SPP2: variants seen among roughly 807,000 people sequenced by gnomAD.
The protein encoded by SPP2 is secreted phosphoprotein 2, also known as secreted phosphoprotein 24.
Under a neutral mutation model 28.8 loss-of-function variants are expected in SPP2, and 34 were observed. The ratio of observed to expected loss-of-function variants is 1.18; its 90% CI spans 0.90 to 1.57. The LOEUF is 1.57. SPP2 is among the 40% of genes most tolerant of loss of function. The probability of loss-of-function intolerance (pLI) is 0.00; values close to 1 mark genes in which losing one functional copy is unlikely to be tolerated. For synonymous variants in SPP2, 96 were observed against 89.4 expected, an observed-to-expected ratio of 1.07 and a Z score of -0.42; for missense variants, 269 against 263.9, an observed-to-expected ratio of 1.02 and a Z score of -0.13.
chr2:234,063,540 A>G (rs1016394522), intron 4 of SPP2, among the ~76,000 whole-genome samples: 1 of 152,234 alleles, frequency 6.6e-6, no homozygotes, highest in African/African-American at 2.4e-5. Context: ...TAAATTTGCA[A>G]ATATTCTCCT....
chr2:234,067,566 A>G (rs1009996716), intron 6 of SPP2, among the ~76,000 whole-genome samples: 7 of 152,060 alleles, frequency 4.6e-5, no homozygotes, highest in African/African-American at 1.7e-4. Context: ...TCACGAAGTC[A>G]GGAGATCGAG....
intron 2 of SPP2, among the ~76,000 whole-genome samples, chr2:234,058,477 T>A (rs530591978): frequency 6.6e-6 from 1 of 152,322 alleles, no homozygotes; most frequent in East Asian, 1.9e-4. Flanking sequence ...GTGTTACTAG[T>A]ATTGATTTTG....
At chr2:234,056,471 G>C (rs74553175) in intron 2 of SPP2, among the ~76,000 whole-genome samples, 1 of 152,202 alleles carries the variant, frequency 6.6e-6, no homozygotes, top group Non-Finnish European at 1.5e-5. Context: ...CAGCAAAAAT[G>C]TTAGATGTTT....
At chr2:234,050,932 T>A in intron 1 of SPP2, 39 bp from the exon 2 acceptor site, 1 of 1,613,946 alleles carries the variant, frequency 6.2e-7, no homozygotes, top group Non-Finnish European at 8.5e-7. Context: ...CTGGCGCCTG[T>A]GTCTTGTCTC....
At chr2:234,057,285 C>T (rs13013285) in intron 2 of SPP2, among the ~76,000 whole-genome samples, 8,807 of 152,174 alleles carry the variant, frequency 0.058, 388 homozygotes, top group Non-Finnish European at 0.089. Context: ...ATACCTGACA[C>T]GCTCCATCTC....
intron 7 of SPP2, among the ~76,000 whole-genome samples, chr2:234,070,968 G>T (rs544466455): frequency 6.6e-6 from 1 of 152,230 alleles, no homozygotes; most frequent in South Asian, 2.1e-4. Flanking sequence ...TTGCCATTGT[G>T]TATCCTGGGT....
chr2:234,064,746 A>G (rs1234971728), intron 4 of SPP2, among the ~76,000 whole-genome samples: 1 of 152,148 alleles, frequency 6.6e-6, no homozygotes, highest in Non-Finnish European at 1.5e-5. Context: ...GCAACCACTA[A>G]TCTACTTTGT....
intron 7 of SPP2, among the ~76,000 whole-genome samples, chr2:234,075,362 A>G (rs1690875202): frequency 2.0e-5 from 3 of 152,056 alleles, no homozygotes; most frequent in Admixed American, 2.0e-4. Flanking sequence ...TTTTAAAAAC[A>G]CCATCTGCAT....
intron 4 of SPP2, among the ~76,000 whole-genome samples, chr2:234,065,864 T>C (rs192112975): frequency 1.6e-4 from 24 of 152,338 alleles, no homozygotes; most frequent in African/African-American, 5.3e-4. Flanking sequence ...GTTGACTTGA[T>C]TTTTGCATAT....
rs58866202 is a variant in SPP2 at position 234,075,985 on chromosome 2, T to A, written c.*11-860T>A. The stretch of plus-strand genomic sequence containing the variant: ...GAAATGTTTCACAGCTCTGTCCTTT[T>A]CGAGCTGTTGGCTCCAGTTCCAGCT... On this transcript the variant is annotated intron_variant, in intron 7 of 7. Transcript: ENST00000168148. Among the ~76,000 whole-genome samples the A allele has an allele frequency of 7.4e-3, 1,129 of 152,324 alleles. 12 individuals carry two copies. Among genetic ancestry groups the A allele is most frequent in the African/African-American group, 0.026 (1,080 of 41,564 alleles).
At position 234,051,125 on chromosome 2, in the gene SPP2, C is replaced by G. The variant is rs372791375; in HGVS notation, c.210+30C>G. ...GTGCAAAATGAAATCTTCTCTACTCCTCCTTCCAATGCTGTCTGCCTTTTG... is the reference window on the plus strand; with the variant it reads ...GTGCAAAATGAAATCTTCTCTACTCGTCCTTCCAATGCTGTCTGCCTTTTG... On this transcript the variant is annotated intron_variant, in intron 2 of 7. Transcript: ENST00000168148. The G allele has an allele frequency of 1.6e-5, 25 of 1,606,886 alleles. No homozygotes were observed. The African/African-American group carries it at 3.1e-4, about 20-fold the overall frequency.
chr2:234,072,392 T>TG (rs1690809304), intron 7 of SPP2, among the ~76,000 whole-genome samples: 1 of 151,680 alleles, frequency 6.6e-6, no homozygotes, highest in Admixed American at 6.6e-5. Flanking sequence ...GTAAATGATA[T>TG]CTTTTTTTTT....
intron 2 of SPP2, among the ~76,000 whole-genome samples, chr2:234,055,315 C>T (rs1378346909): frequency 6.6e-6 from 1 of 152,232 alleles, no homozygotes; most frequent in East Asian, 1.9e-4. Flanking sequence ...GGCAGAATTC[C>T]TTTCTGATGG....
At chr2:234,075,455 C>G (rs1420960047) in intron 7 of SPP2, among the ~76,000 whole-genome samples, 1 of 152,162 alleles carries the variant, frequency 6.6e-6, no homozygotes, top group Non-Finnish European at 1.5e-5. Context: ...TGTCCTATCC[C>G]CATGTCCACC....
In SPP2 at chr2:234,065,385, T is replaced by C. The variant is rs534551421; in HGVS notation, c.445-1148T>C. ...ACCTCTGTCTCCTGGGTTCAAGCAATTGTAGTGCCTCAGCCTCCCAAGAAG... is the reference window on the plus strand; with the variant it reads ...ACCTCTGTCTCCTGGGTTCAAGCAACTGTAGTGCCTCAGCCTCCCAAGAAG... On this transcript the variant is annotated intron_variant, in intron 4 of 7. Coordinates refer to ENST00000168148, the MANE Select transcript of SPP2 (RefSeq NM_006944.3). Among the ~76,000 whole-genome samples, 16 of 152,288 alleles carry C rather than the reference T, an allele frequency of 1.1e-4. No homozygotes were observed. In the South Asian group the frequency reaches 3.1e-3, roughly 30 times the overall value.
At chr2:234,063,184 T>C (rs151018672) in intron 4 of SPP2, among the ~76,000 whole-genome samples, 2 of 151,854 alleles carry the variant, frequency 1.3e-5, no homozygotes, top group Non-Finnish European at 2.9e-5. Flanking sequence ...ATATTATAAA[T>C]ATGAAAGACA....
chr2:234,075,413 G>A (rs1274043473), intron 7 of SPP2, among the ~76,000 whole-genome samples: 2 of 151,974 alleles, frequency 1.3e-5, no homozygotes, highest in African/African-American at 2.4e-5. Context: ...TCCTGCACCC[G>A]TCACCGCCCT....
chr2:234,060,691 C>A (rs979110805), intron 4 of SPP2, among the ~76,000 whole-genome samples: 1 of 151,598 alleles, frequency 6.6e-6, no homozygotes, highest in African/African-American at 2.4e-5. Context: ...TCGTGTATGT[C>A]CTCTCTCTTT....
At chr2:234,058,317 T>G (rs1022416477) in intron 2 of SPP2, among the ~76,000 whole-genome samples, 11 of 152,090 alleles carry the variant, frequency 7.2e-5, no homozygotes, top group African/African-American at 2.7e-4. Context: ...AGCCACGAAA[T>G]AGACCATAAA....
Sources: allele counts gnomAD v4.1 joint callset (sites outside exome capture counted in the v4.1 genomes callset), GRCh38; gene constraint gnomAD v4.1.1; transcripts MANE v1.5; gene names NCBI Gene and HGNC (gene_info 2026-07-23, HGNC 2026-07-21).